Variants in CTU2 observed in about 807,000 individuals in gnomAD.
CTU2 encodes cytosolic thiouridylase subunit 2.
A neutral mutation model predicts 64.1 loss-of-function variants in CTU2; 80 were observed. That is an observed-to-expected ratio of 1.25 (90% confidence interval 1.04 to 1.50). The LOEUF is 1.50. CTU2 is among the 40% of genes most tolerant of loss of function. CTU2 has a pLI of 0.00. For missense variants in CTU2, 1,110 were observed against 690.2 expected (o/e 1.61, Z -6.81); for synonymous variants, 482 against 285.3 (o/e 1.69, Z -6.95).
At position 88,712,539 on chromosome 16, in the gene CTU2, C is replaced by T. The variant is rs2290897; in HGVS notation, c.454-83C>T. 1.1e-3 allele frequency: 1,747 copies of T among 1,543,066 alleles called. 32 individuals carry two copies. In the East Asian group the frequency reaches 0.033, roughly 29 times the overall value. Reference sequence around the variant, plus strand: ...CCGTGCCCCAGCCTCACTGCCGTCTCCCGCATCCCGGAAGGTGGGGCTGTC... The same window carrying T: ...CCGTGCCCCAGCCTCACTGCCGTCTTCCGCATCCCGGAAGGTGGGGCTGTC... On this transcript the variant is annotated intron_variant, in intron 6 of 14. Coordinates refer to ENST00000453996, the MANE Select transcript of CTU2 (RefSeq NM_001012759.3).
intron 2 of CTU2, among the ~76,000 whole-genome samples, chr16:88,707,904 G>A (rs1911019290): frequency 6.6e-6 from 1 of 151,916 alleles, no homozygotes; most frequent in Non-Finnish European, 1.5e-5. Flanking sequence ...TTTACCTCCT[G>A]GGTTCAAGTG....
At position 88,710,000 on chromosome 16, in the gene CTU2, T is replaced by A. The variant is rs778933792; in HGVS notation, c.206T>A (p.Ile69Asn). 6.2e-7 allele frequency: 1 copy of A among 1,613,932 alleles called. No individual in the cohort carries two copies. Among genetic ancestry groups the A allele is most frequent in the Non-Finnish European group, 8.5e-7 (1 of 1,180,014 alleles). Residue 69 changes from isoleucine to asparagine, a missense_variant, in exon 3 of 15, where the codon ATC becomes AAC. Ile to Asn is a moderately radical substitution (Grantham distance 149, BLOSUM62 -3). Coordinates refer to ENST00000453996, the MANE Select transcript of CTU2 (RefSeq NM_001012759.3). ...GCCATGCTGGGCAAGAACCGGCTCA[T>A]CTTTCCAGGCGAGAAGGTAGCGTCT... is the stretch of plus-strand genomic sequence containing the variant. ...FRAMLGKNRL[I>N]FPGEKVLLAW... is the part of the protein sequence containing the mutation.
At chr16:88,712,444 G>A in intron 6 of CTU2, 61 bp downstream of exon 6, 1 of 1,481,382 alleles carries the variant, frequency 6.8e-7, no homozygotes, top group Non-Finnish European at 9.1e-7. Context: ...ACCTGCCCGT[G>A]TCCCAGCCTC....
At chr16:88,713,572 C>T in intron 8 of CTU2, 75 bp from the exon 9 acceptor site, 3 of 1,574,208 alleles carry the variant, frequency 1.9e-6, no homozygotes, top group Non-Finnish European at 2.6e-6. Context: ...TCTGTGACCT[C>T]CCCTACCTGG....
chr16:88,710,717 G>A (rs12444758), intron 4 of CTU2: 3 of 175,414 alleles, frequency 1.7e-5, no homozygotes, highest in Non-Finnish European at 3.6e-5. Flanking sequence ...AACCTGCGTA[G>A]AAACACAGTC....
At position 88,712,813 on chromosome 16, in the gene CTU2, A is replaced by T. The variant is rs1337185783; in HGVS notation, c.645A>T (p.Arg215Ser). 6.2e-7 allele frequency: 1 copy of T among 1,604,020 alleles called. No homozygotes were observed. The highest frequency in any genetic ancestry group is 2.2e-5 in the East Asian group (1 of 44,726). ...CGCTGGACCCCCAGAACCTGGCAAG[A>T]CCGCCTGCCCCTGCCCAGACTGAGG... ...QPPLDPQNLA[R>S]PPAPAQTEAL... The change falls in exon 7 of 15, where the codon AGA (arginine) becomes AGT (serine). Residue 215 changes from arginine to serine, a missense_variant. Arg to Ser is a moderately radical substitution (Grantham distance 110). Coordinates refer to ENST00000453996, the MANE Select transcript of CTU2 (RefSeq NM_001012759.3).
chr16:88,712,036 G>A (rs772830675), intron 5 of CTU2: 40 of 655,086 alleles, frequency 6.1e-5, no homozygotes, highest in Admixed American at 1.4e-4. Flanking sequence ...CCCAGGGGCC[G>A]ACTCCCCGAC....
intron 5 of CTU2, chr16:88,711,932 G>T (rs1439446697): frequency 5.0e-6 from 3 of 603,798 alleles, no homozygotes; most frequent in Non-Finnish European, 8.8e-6. Context: ...TCCTTAGAAA[G>T]TCGGGGGTGG....
At chr16:88,707,695 T>A (rs1020396589) in intron 2 of CTU2, among the ~76,000 whole-genome samples, 1 of 152,140 alleles carries the variant, frequency 6.6e-6, no homozygotes, top group African/African-American at 2.4e-5. Flanking sequence ...TTGTAGCCAT[T>A]GTATTGTTCA....
At position 88,710,021 on chromosome 16, in the gene CTU2, C is replaced by T. The variant is rs531378397; in HGVS notation, c.222+5C>T. 8 of 1,613,684 alleles carry T rather than the reference C, an allele frequency of 5.0e-6. No homozygotes were observed. In the African/African-American group the frequency reaches 5.3e-5, roughly 11 times the overall value. On this transcript the variant is annotated splice_donor_5th_base_variant and intron_variant, in intron 3 of 14. Coordinates refer to ENST00000453996, the MANE Select transcript of CTU2 (RefSeq NM_001012759.3). ...CTCATCTTTCCAGGCGAGAAGGTAG[C>T]GTCTGGGTCCTGGGGGTCTGACTGA...
Position 88,712,835 on chromosome 16 carries a change from G to T in CTU2, c.667G>T (p.Glu223Ter). 6.3e-7 allele frequency: 1 copy of T among 1,590,566 alleles called. No homozygotes were observed. The highest frequency in any genetic ancestry group is 8.6e-7 in the Non-Finnish European group (1 of 1,169,518). The change falls in exon 7 of 15, where the codon GAG becomes TAG. Residue 223 changes from glutamate (E) to a stop codon, truncating the protein, a stop_gained. Coordinates refer to ENST00000453996, the MANE Select transcript of CTU2 (RefSeq NM_001012759.3). LOFTEE classifies it high-confidence loss of function. Reference protein sequence around the residue: ...LARPPAPAQTEALSQLFCSVR... With the variant: ...LARPPAPAQT ...AAGACCGCCTGCCCCTGCCCAGACT[G>T]AGGCTCTTTCCCAACTGTTCTGCTC...
intron 12 of CTU2, 49 bp downstream of exon 12, chr16:88,714,786 G>A (rs1392166777): frequency 6.2e-7 from 1 of 1,607,840 alleles, no homozygotes; most frequent in East Asian, 2.2e-5. Context: ...GGGCGGGAGG[G>A]GGACCTGTCC....
At chr16:88,711,558 A>G in intron 4 of CTU2, 77 bp from the exon 5 acceptor site, 3 of 1,367,598 alleles carry the variant, frequency 2.2e-6, no homozygotes, top group South Asian at 1.4e-5. Flanking sequence ...TTAAATCCAG[A>G]TGAAGAATGT....
Position 88,714,401 on chromosome 16 carries a change from G to A in CTU2, c.1116G>A (p.Val372=), listed in dbSNP as rs1180718513. The part of the protein sequence containing the change: ...STVYRTSEKL[V]KGPRDGPAAG... The stretch of plus-strand genomic sequence containing the variant: ...GCCACAGGACAAGTGAGAAGCTGGT[G>A]AAGGGCCCCCGGGATGGCCCTGCTG... Residue 372 remains valine (V), a synonymous_variant, in exon 11 of 15, where the codon GTG becomes GTA. Coordinates refer to ENST00000453996, the MANE Select transcript of CTU2 (RefSeq NM_001012759.3). The A allele has an allele frequency of 6.2e-7, 1 of 1,612,402 alleles. No individual in the cohort carries two copies. Among genetic ancestry groups the A allele is most frequent in the African/African-American group, 1.3e-5 (1 of 74,930 alleles).
In CTU2 at chr16:88,712,737, C is replaced by T. The variant is rs143287885; in HGVS notation, c.569C>T (p.Ala190Val). The change falls in exon 7 of 15, where the codon GCC (alanine) becomes GTC (valine). Residue 190 changes from alanine (A) to valine (V), a missense_variant. Physicochemically the swap from Ala to Val is moderately conservative, Grantham distance 64. Transcript: ENST00000453996. ...CTCCAGCAGCAGCATGTGCTGGGGG[C>T]CGGGGGTGGTCCTGGCCCGACTCAA... ...SFLQQQHVLGAGGGPGPTQGE... is the reference protein window; with the variant it reads ...SFLQQQHVLGVGGGPGPTQGE... 109 of 1,608,648 alleles carry T rather than the reference C, an allele frequency of 6.8e-5. No homozygotes were observed. Among genetic ancestry groups the T allele is most frequent in the Non-Finnish European group, 8.5e-5 (100 of 1,178,516 alleles).
intron 2 of CTU2, chr16:88,709,549 C>G (rs1166043543): frequency 5.5e-6 from 1 of 182,540 alleles, no homozygotes; most frequent in African/African-American, 2.4e-5. Flanking sequence ...GAGGTGGTGT[C>G]TGTATGTGGT....
intron 2 of CTU2, among the ~76,000 whole-genome samples, chr16:88,707,752 C>T (rs540064659): frequency 1.1e-4 from 17 of 152,144 alleles, no homozygotes; most frequent in African/African-American, 4.1e-4. Context: ...GACCAGGTCT[C>T]TCTCCTTTTA....
In CTU2 at chr16:88,711,647, G is replaced by C. The variant is rs1282548490; in HGVS notation, c.295G>C (p.Asp99His). The C allele has an allele frequency of 2.2e-5, 36 of 1,606,280 alleles. No individual in the cohort carries two copies. Among genetic ancestry groups the C allele is most frequent in the Non-Finnish European group, 2.9e-5 (34 of 1,175,126 alleles). The change falls in exon 5 of 15, where the codon GAT (aspartate) becomes CAT (histidine). Residue 99 changes from aspartate to histidine, a missense_variant. By Grantham distance (81) the Asp-to-His change is moderately conservative. Transcript: ENST00000453996. Reference sequence around the variant, plus strand: ...CTTCTCCCTCTAGGGCCTGAGCCAAGATTCTGCCAAAAGACTGCGCTTTGT... The same window carrying C: ...CTTCTCCCTCTAGGGCCTGAGCCAACATTCTGCCAAAAGACTGCGCTTTGT... ...VWQVLEGLSQ[D>H]SAKRLRFVAG...
chr16:88,714,265 G>GTCTGTGC, intron 10 of CTU2, 38 bp downstream of exon 10: 3 of 1,597,508 alleles, frequency 1.9e-6, no homozygotes, highest in Non-Finnish European at 2.6e-6. Flanking sequence ...GGGTGCGCGG[G>GTCTGTGC]TGTGTGCTGT....
Sources: gnomAD v4.1 joint callset for allele counts (sites outside exome capture counted in the v4.1 genomes callset) on GRCh38, gnomAD v4.1.1 for gene constraint, MANE v1.5 for transcripts, NCBI Gene and HGNC (gene_info 2026-07-23, HGNC 2026-07-21) for gene names.